Variants in FBXL4 observed in about 807,000 individuals in gnomAD.
FBXL4 encodes F-box/LRR-repeat protein 4.
Under a neutral mutation model 58.9 loss-of-function variants are expected in FBXL4, and 40 were observed. The observed-to-expected ratio is 0.68, with a 90% CI of 0.53 to 0.88. The LOEUF is 0.88. Ranked by LOEUF, FBXL4 falls within the 40% of genes least tolerant of loss-of-function variation. FBXL4 has a pLI of 0.00. For missense variants in FBXL4, 676 were observed against 734.4 expected (o/e 0.92, Z 0.92); for synonymous variants, 263 against 265.5 (o/e 0.99, Z 0.09).
intron 1 of FBXL4, among the ~76,000 whole-genome samples, chr6:98,937,028 A>G (rs910531188): frequency 5.9e-5 from 9 of 152,318 alleles, no homozygotes; most frequent in Admixed American, 5.2e-4. Context: ...ATCTGAATAT[A>G]GGCTGGAATA....
intron 7 of FBXL4, among the ~76,000 whole-genome samples, chr6:98,893,911 T>C (rs1200300217): frequency 6.6e-6 from 1 of 152,216 alleles, no homozygotes; most frequent in African/African-American, 2.4e-5. Flanking sequence ...AGGGTCTTGC[T>C]CTGTCACTCA....
At chr6:98,900,504 A>C (rs748674694) in intron 6 of FBXL4, among the ~76,000 whole-genome samples, 2 of 152,202 alleles carry the variant, frequency 1.3e-5, no homozygotes, top group African/African-American at 2.4e-5. Flanking sequence ...GCATTGTTTG[A>C]CTAGTTCCTA....
intron 5 of FBXL4, among the ~76,000 whole-genome samples, chr6:98,906,506 C>CT (rs1356428522): frequency 2.0e-5 from 3 of 152,074 alleles, no homozygotes; most frequent in Non-Finnish European, 2.9e-5. Context: ...TGAACTCATC[C>CT]TTTTTTATGG....
Position 98,869,049 on chromosome 6 carries a change from C to G in FBXL4, c.*5229G>C, listed in dbSNP as rs959477288. 4 of 151,646 alleles carry G rather than the reference C, an allele frequency of 2.6e-5. No individual in the cohort carries two copies. Among genetic ancestry groups the G allele is most frequent in the Non-Finnish European group, 4.4e-5 (3 of 67,948 alleles). 9.4% of individuals were successfully genotyped at this position (151,646 alleles called of 1,614,324 possible). ...CTCTTAACAGAATGTGAGCTATTGC[C>G]AAAAAAATGATTCTAACAGTTATGG... On this transcript the variant is annotated 3_prime_UTR_variant, in exon 10 of 10. Transcript: ENST00000369244.
chr6:98,876,092 G>A (rs541625319), intron 8 of FBXL4, among the ~76,000 whole-genome samples: 12 of 152,062 alleles, frequency 7.9e-5, no homozygotes, highest in Non-Finnish European at 1.5e-4. Context: ...ACTTTCCTCC[G>A]TTTTATATAT....
chr6:98,881,560 T>A (rs370008531), intron 7 of FBXL4, among the ~76,000 whole-genome samples: 1 of 152,096 alleles, frequency 6.6e-6, no homozygotes, highest in Non-Finnish European at 1.5e-5. Context: ...AGGTGAAGAA[T>A]GTGTCAATGA....
intron 1 of FBXL4, among the ~76,000 whole-genome samples, chr6:98,943,334 A>T (rs1253685343): frequency 6.6e-6 from 1 of 151,958 alleles, no homozygotes; most frequent in African/African-American, 2.4e-5. Flanking sequence ...GCACGTTGGG[A>T]GGCCAAGGCG....
chr6:98,900,107 A>C lies in FBXL4; in HGVS notation c.1104-626T>G, dbSNP rs1029803826. The stretch of plus-strand genomic sequence containing the variant: ...AATATATAGAAATAAACCAAGATGA[A>C]GGTCACAAAATGCTTTATCAGAGTA... On this transcript the variant is annotated intron_variant, in intron 6 of 9. Transcript: ENST00000369244. 4.6e-5 allele frequency among the ~76,000 whole-genome samples: 7 copies of C among 152,228 alleles called. No individual in the cohort carries two copies. The South Asian group carries it at 6.2e-4, about 14-fold the overall frequency.
intron 1 of FBXL4, among the ~76,000 whole-genome samples, chr6:98,937,608 C>T (rs1773269991): frequency 1.3e-5 from 2 of 152,054 alleles, no homozygotes; most frequent in Admixed American, 6.6e-5. Flanking sequence ...TTTCAGGATA[C>T]AGGGTGAAAG....
Position 98,911,911 on chromosome 6 carries a change from G to C in FBXL4, c.858+5463C>G, listed in dbSNP as rs182159089. The stretch of plus-strand genomic sequence containing the variant: ...GGAGGAAATTCAAACCAAAGGCAAA[G>C]AAGTTAAAAACTTTGAAAAAAATTT... On this transcript the variant is annotated intron_variant, in intron 5 of 9. Coordinates refer to ENST00000369244, the MANE Select transcript of FBXL4 (RefSeq NM_001278716.2). 5.2e-3 allele frequency among the ~76,000 whole-genome samples: 785 copies of C among 152,266 alleles called. 9 individuals are homozygous for C. The highest frequency in any genetic ancestry group is 0.018 in the African/African-American group (739 of 41,536).
At chr6:98,883,641 G>GT (rs1238549048) in intron 7 of FBXL4, among the ~76,000 whole-genome samples, 1 of 151,604 alleles carries the variant, frequency 6.6e-6, no homozygotes, top group Non-Finnish European at 1.5e-5. Flanking sequence ...CATTGTTCCA[G>GT]TTTGATTTAT....
In FBXL4 at chr6:98,869,759, G is replaced by A. The variant is rs1363545624; in HGVS notation, c.*4519C>T. 3 of 152,158 alleles carry A rather than the reference G, an allele frequency of 2.0e-5. No individual in the cohort carries two copies. The East Asian group carries it at 5.8e-4, about 29-fold the overall frequency. 9.4% of individuals were successfully genotyped at this position (152,158 alleles called of 1,614,324 possible). ...GAGTTTTAGTCTTCAGTTAATTCCT[G>A]GGAAATGCCAAAAATAAAAATACTG... On this transcript the variant is annotated 3_prime_UTR_variant, in exon 10 of 10. Transcript: ENST00000369244.
intron 1 of FBXL4, among the ~76,000 whole-genome samples, chr6:98,939,341 T>C (rs1399788394): frequency 6.6e-6 from 1 of 152,188 alleles, no homozygotes; most frequent in Non-Finnish European, 1.5e-5. Flanking sequence ...CATCCTTTGC[T>C]GGCATTAAAT....
At chr6:98,930,194 A>G (rs1772961404) in intron 2 of FBXL4, among the ~76,000 whole-genome samples, 1 of 152,250 alleles carries the variant, frequency 6.6e-6, no homozygotes, top group African/African-American at 2.4e-5. Context: ...GATTTGCAGC[A>G]CAAGAACAAG....
At position 98,939,568 on chromosome 6, in the gene FBXL4, TTC is replaced by T. The variant is rs1773354946; in HGVS notation, c.-308-4691_-308-4690del. 2.6e-5 allele frequency among the ~76,000 whole-genome samples: 4 copies of T among 152,338 alleles called. 1 individual carries two copies. The highest frequency in any genetic ancestry group is 6.8e-3 in the Middle Eastern group (2 of 292). On this transcript the variant is annotated intron_variant, in intron 1 of 9. Transcript: ENST00000369244. Reference sequence around the variant, plus strand: ...ATAGTTGTAGCAACAGCTACATAAATTCTCTTTTCTTTTTTCACAGTGGTCCT... The same window carrying T: ...ATAGTTGTAGCAACAGCTACATAAATTCTTTTCTTTTTTCACAGTGGTCCT...
intron 5 of FBXL4, among the ~76,000 whole-genome samples, chr6:98,911,513 C>G (rs1389175749): frequency 6.6e-6 from 1 of 152,182 alleles, no homozygotes; most frequent in African/African-American, 2.4e-5. Context: ...CAGCAGCATT[C>G]GCGGATCACG....
Position 98,926,591 on chromosome 6 carries a change from T to G in FBXL4, c.398A>C (p.Gln133Pro). The part of the protein sequence containing the change: ...SQDYVELTFE[Q>P]QVYPTAVHVL... ...ATGTACAGCTGTAGGATACACCTGT[T>G]GTTCAAAAGTAAGTTCCACATAGTC... is the stretch of plus-strand genomic sequence containing the variant. The change falls in exon 4 of 10, where the codon CAA becomes CCA. Residue 133 changes from glutamine (Q) to proline (P), a missense_variant. Physicochemically the swap from Gln to Pro is moderately conservative, Grantham distance 76 (BLOSUM62 -1). Coordinates refer to ENST00000369244, the MANE Select transcript of FBXL4 (RefSeq NM_001278716.2). The G allele has an allele frequency of 6.2e-7, 1 of 1,614,162 alleles. No homozygotes were observed.
In FBXL4 at chr6:98,870,279, G is replaced by C. The variant is rs1459814070; in HGVS notation, c.*3999C>G. On this transcript the variant is annotated 3_prime_UTR_variant, in exon 10 of 10. Transcript: ENST00000369244. ...ACTCTGGAATAGGGGTCACAAATTT[G>C]GTCCACAAGCCAAATCCAGCCAGCT... The C allele has an allele frequency of 1.3e-5, 2 of 152,150 alleles. No individual in the cohort carries two copies. Among genetic ancestry groups the C allele is most frequent in the Non-Finnish European group, 2.9e-5 (2 of 68,028 alleles). The allele number at this position is 152,150 out of a possible 1,614,324, so 9.4% of individuals were successfully genotyped here.
At chr6:98,928,221 C>A (rs1173567085) in intron 2 of FBXL4, among the ~76,000 whole-genome samples, 1 of 152,162 alleles carries the variant, frequency 6.6e-6, no homozygotes, top group Admixed American at 6.5e-5. Flanking sequence ...GGGGCCCATC[C>A]TCATTGAGTA....
Sources: gnomAD v4.1 joint callset for allele counts (sites outside exome capture counted in the v4.1 genomes callset) on GRCh38, gnomAD v4.1.1 for gene constraint, MANE v1.5 for transcripts, NCBI Gene and HGNC (gene_info 2026-07-23, HGNC 2026-07-21) for gene names.